The following SLC12A2 variants were observed in gnomAD, a reference collection of about 807,000 sequenced individuals.
The protein encoded by SLC12A2 is solute carrier family 12 member 2.
In SLC12A2, 67 loss-of-function variants were observed where a neutral mutation model predicts 136.3. The ratio of observed to expected loss-of-function variants is 0.49; its 90% confidence interval spans 0.40 to 0.60. The LOEUF (loss-of-function observed/expected upper bound fraction) is 0.60. Among genes scored for constraint, SLC12A2 ranks in the 20% least tolerant of loss-of-function variants. SLC12A2 has a pLI of 0.00. For missense variants in SLC12A2, 1,322 were observed against 1,534.7 expected (o/e 0.86, Z 2.32); for synonymous variants, 619 against 562.9 (o/e 1.10, Z -1.41).
chr5:128,094,921 T>C (rs981878219), intron 1 of SLC12A2, among the ~76,000 whole-genome samples: 1 of 152,146 alleles, frequency 6.6e-6, no homozygotes, highest in Non-Finnish European at 1.5e-5. Context: ...CTAGTTGTTA[T>C]CATTGGACAA....
chr5:128,107,263 AT>A (rs542435255), intron 1 of SLC12A2, among the ~76,000 whole-genome samples: 10 of 151,252 alleles, frequency 6.6e-5, no homozygotes, highest in East Asian at 1.9e-4. Context: ...CCCTAGTCAT[AT>A]TTTTTTTTCT....
In SLC12A2 at chr5:128,167,384, T is replaced by A. The variant is rs181556998; in HGVS notation, c.2617-377T>A. 8.2e-3 allele frequency among the ~76,000 whole-genome samples: 1,247 copies of A among 152,280 alleles called. 18 individuals are homozygous for A. Among genetic ancestry groups the A allele is most frequent in the Non-Finnish European group, 0.012 (785 of 68,006 alleles). ...TCAGAACTGCATTCATTTGGACTTT[T>A]GTTTATAGTTTTTAATGGCTGTTAT... On this transcript the variant is annotated intron_variant, in intron 17 of 26. Coordinates refer to ENST00000262461, the MANE Select transcript of SLC12A2 (RefSeq NM_001046.3).
chr5:128,137,255 A>G (rs1762217239), intron 7 of SLC12A2, among the ~76,000 whole-genome samples: 1 of 152,112 alleles, frequency 6.6e-6, no homozygotes, highest in African/African-American at 2.4e-5. Context: ...TTTTCTCCTT[A>G]CTATAAGAAT....
intron 17 of SLC12A2, among the ~76,000 whole-genome samples, chr5:128,165,119 G>A (rs927821664): frequency 1.3e-5 from 2 of 151,978 alleles, no homozygotes; most frequent in Admixed American, 6.6e-5. Flanking sequence ...TGGGATTATC[G>A]GCATGAGCAT....
chr5:128,108,674 T>G (rs1328821255), intron 1 of SLC12A2, among the ~76,000 whole-genome samples: 6 of 152,170 alleles, frequency 3.9e-5, no homozygotes, highest in Non-Finnish European at 8.8e-5. Flanking sequence ...TTCGGGGTGA[T>G]AAAAATATTC....
chr5:128,133,929 A>G (rs1490662759), intron 5 of SLC12A2, among the ~76,000 whole-genome samples: 1 of 152,082 alleles, frequency 6.6e-6, no homozygotes, highest in Non-Finnish European at 1.5e-5. Context: ...TTGAGTCTAT[A>G]TTAAATATAG....
intron 1 of SLC12A2, chr5:128,109,693 C>T (rs1761075621): frequency 2.6e-6 from 3 of 1,148,002 alleles, no homozygotes; most frequent in Non-Finnish European, 4.0e-6. Context: ...AAAAAGTCTT[C>T]CAGGTGAAAG....
chr5:128,184,222 A>G, intron 24 of SLC12A2, 144 bp from the exon 25 acceptor site: 1 of 503,326 alleles, frequency 2.0e-6, no homozygotes, highest in Non-Finnish European at 3.4e-6. Flanking sequence ...TAAATTGCCA[A>G]ACTGATTATT....
intron 25 of SLC12A2, 114 bp from the exon 26 acceptor site, chr5:128,184,674 AT>A: frequency 6.5e-7 from 1 of 1,534,488 alleles, no homozygotes; most frequent in East Asian, 2.3e-5. Flanking sequence ...GAGAACAGAT[AT>A]TTTTATTACA....
At chr5:128,128,817 A>AAAAC (rs1761911097) in intron 4 of SLC12A2, among the ~76,000 whole-genome samples, 1 of 151,858 alleles carries the variant, frequency 6.6e-6, no homozygotes, top group Non-Finnish European at 1.5e-5. Context: ...AAAAAAAAAA[A>AAAAC]AAACCTCTAG....
chr5:128,090,120 G>A (rs1201432854), intron 1 of SLC12A2, among the ~76,000 whole-genome samples: 3 of 152,142 alleles, frequency 2.0e-5, no homozygotes, highest in African/African-American at 7.2e-5. Flanking sequence ...CATTCCCCCA[G>A]GTGTACACTG....
chr5:128,146,092 C>G (rs1762520030), intron 10 of SLC12A2, among the ~76,000 whole-genome samples: 2 of 151,826 alleles, frequency 1.3e-5, no homozygotes, highest in Non-Finnish European at 2.9e-5. Context: ...GTTATATTTA[C>G]TAGTTTATAT....
intron 16 of SLC12A2, among the ~76,000 whole-genome samples, chr5:128,160,452 G>A (rs1428781454): frequency 4.6e-5 from 7 of 151,978 alleles, no homozygotes. Context: ...AAAAAATGGG[G>A]GTTGGAAGAA....
In SLC12A2 at chr5:128,084,251, G is replaced by GGCA; in HGVS notation, c.299_300insAGC (p.Ala107dup). On this transcript the variant is annotated inframe_insertion, in exon 1 of 27. Coordinates refer to ENST00000262461, the MANE Select transcript of SLC12A2 (RefSeq NM_001046.3). This position sits in a 1 kb window ranked among gnomAD's most constrained non-coding sequence, Gnocchi z 5.6. ...GGCGGGCCGCTGCTGCGGCGGCGGC[G>GGCA]GCGGCGGCGGCAGCGGCGGCGGCTG... is the stretch of plus-strand genomic sequence containing the variant. The GGCA allele has an allele frequency of 8.1e-7, 1 of 1,238,736 alleles. No homozygotes were observed. Among genetic ancestry groups the GGCA allele is most frequent in the Non-Finnish European group, 1.0e-6 (1 of 986,834 alleles). 76.7% of individuals were successfully genotyped at this position (1,238,736 alleles called of 1,614,324 possible). A position where few individuals can be genotyped will look rare whatever the true frequency, so the allele number is the denominator to read the frequency against.
intron 16 of SLC12A2, among the ~76,000 whole-genome samples, chr5:128,159,318 C>G (rs1762960545): frequency 2.0e-5 from 3 of 152,138 alleles, no homozygotes; most frequent in African/African-American, 7.2e-5. Flanking sequence ...AAAACATAGG[C>G]AGTACCATTC....
intron 7 of SLC12A2, among the ~76,000 whole-genome samples, 188 bp downstream of exon 7, chr5:128,135,996 C>G (rs1195042466): frequency 6.6e-6 from 1 of 151,998 alleles, no homozygotes; most frequent in Non-Finnish European, 1.5e-5. Context: ...CTATTTACAT[C>G]TTTTCTTTTT....
chr5:128,083,805 C>T lies in SLC12A2; in HGVS notation c.-150C>T. 1.8e-6 allele frequency: 1 copy of T among 551,358 alleles called. No homozygotes were observed. The highest frequency in any genetic ancestry group is 2.7e-6 in the Non-Finnish European group (1 of 374,084). The allele number at this position is 551,358 out of a possible 1,614,324, so 34.2% of individuals were successfully genotyped here. Reference sequence around the variant, plus strand: ...GCTCGGCTGCCGGTGGCCTCTGTGGCCGTCCAGGCTAGCGGCGGCCCGCAG... The same window carrying T: ...GCTCGGCTGCCGGTGGCCTCTGTGGTCGTCCAGGCTAGCGGCGGCCCGCAG... On this transcript the variant is annotated 5_prime_UTR_variant, in exon 1 of 27. Transcript: ENST00000262461.
intron 1 of SLC12A2, among the ~76,000 whole-genome samples, chr5:128,105,745 AATG>A (rs1429218839): frequency 2.0e-5 from 3 of 152,222 alleles, no homozygotes; most frequent in Non-Finnish European, 4.4e-5. Flanking sequence ...GCAAGGAAGT[AATG>A]ATGATGGAGA....
intron 1 of SLC12A2, among the ~76,000 whole-genome samples, chr5:128,089,194 ACACAAGAAATTGCTTAATAGC>A (rs1293270143): frequency 2.6e-5 from 4 of 151,318 alleles, no homozygotes; most frequent in Non-Finnish European, 2.9e-5. Flanking sequence ...AAAGAAAGAA[ACACAAGAAATTGCTTAATAGC>A]CACTTTTACA....
Sources: gnomAD v4.1 joint callset for allele counts (sites outside exome capture counted in the v4.1 genomes callset) on GRCh38, gnomAD v4.1.1 for gene constraint, Gnocchi (gnomAD v3.1) non-coding constraint, MANE v1.5 for transcripts, NCBI Gene and HGNC (gene_info 2026-07-23, HGNC 2026-07-21) for gene names.